ZNF143: variants seen among roughly 807,000 people sequenced by gnomAD.
ZNF143 encodes zinc finger protein 143.
In ZNF143, 49 loss-of-function variants were observed where a neutral mutation model predicts 74.1. The ratio of observed to expected loss-of-function variants is 0.66; its 90% CI spans 0.53 to 0.84. The LOEUF (loss-of-function observed/expected upper bound fraction) is 0.84. Ranked by LOEUF, ZNF143 falls within the 40% of genes least tolerant of loss-of-function variation. The pLI, the probability that ZNF143 is intolerant of heterozygous loss-of-function variation, is 0.00. For synonymous variants in ZNF143, 304 were observed against 282.8 expected (o/e 1.07, Z -0.75); for missense variants, 637 against 793.4 (o/e 0.80, Z 2.37).
intron 7 of ZNF143, among the ~76,000 whole-genome samples, chr11:9,486,445 T>TTATATATATTAATATATAATATATTA (rs1847547917): frequency 2.8e-5 from 1 of 35,468 alleles, no homozygotes; most frequent in African/African-American, 7.5e-5. Flanking sequence ...ATATAATATA[T>TTATATATATTAATATATAATATATTA]TATATATATT....
chr11:9,473,965 T>C lies in ZNF143; in HGVS notation c.230T>C (p.Val77Ala). 6.2e-7 allele frequency: 1 copy of C among 1,614,154 alleles called. No homozygotes were observed. The highest frequency in any genetic ancestry group is 1.3e-5 in the African/African-American group (1 of 75,070). The change falls in exon 4 of 16, where the codon GTC becomes GCC. Residue 77 changes from valine to alanine, a missense_variant. Physicochemically the swap from Val to Ala is moderately conservative, Grantham distance 64. Coordinates refer to ENST00000396602, the MANE Select transcript of ZNF143 (RefSeq NM_003442.6). ...GATGCAAAACTCATAGATGGCCAGG[T>C]CATTCAGTTGGAAGATGGTTCTGCG... ...SKDAKLIDGQ[V>A]IQLEDGSAAY...
At chr11:9,486,445 T>TTATATA (rs201824332) in intron 7 of ZNF143, among the ~76,000 whole-genome samples, 3 of 35,468 alleles carry the variant, frequency 8.5e-5, no homozygotes, top group Non-Finnish European at 2.0e-4. Context: ...ATATAATATA[T>TTATATA]TATATATATT....
chr11:9,519,726 T>C (rs536550025), intron 14 of ZNF143, among the ~76,000 whole-genome samples: 1 of 152,312 alleles, frequency 6.6e-6, no homozygotes, highest in East Asian at 1.9e-4. Flanking sequence ...TCATTTGTCT[T>C]GGATAAATAC....
intron 7 of ZNF143, among the ~76,000 whole-genome samples, chr11:9,490,646 T>C (rs980729585): frequency 2.0e-5 from 3 of 151,064 alleles, no homozygotes; most frequent in South Asian, 2.1e-4. Flanking sequence ...GTTGCTGTTA[T>C]AATACATGAA....
chr11:9,497,431 A>G (rs1291418622), intron 9 of ZNF143, among the ~76,000 whole-genome samples: 2 of 152,030 alleles, frequency 1.3e-5, no homozygotes, highest in Admixed American at 1.3e-4. Context: ...GGATTTTACC[A>G]TGTTGGCCAG....
intron 7 of ZNF143, among the ~76,000 whole-genome samples, chr11:9,492,737 C>T (rs184498713): frequency 6.6e-6 from 1 of 152,112 alleles, no homozygotes; most frequent in Non-Finnish European, 1.5e-5. Flanking sequence ...GTGACATTTT[C>T]AGGGTGAACC....
chr11:9,466,433 T>C (rs961920733), intron 1 of ZNF143, among the ~76,000 whole-genome samples: 2 of 151,176 alleles, frequency 1.3e-5, no homozygotes, highest in African/African-American at 2.4e-5. Flanking sequence ...GTAGCTGGGA[T>C]TACAGGCGTC....
At chr11:9,491,911 T>G (rs1847795671) in intron 7 of ZNF143, among the ~76,000 whole-genome samples, 1 of 152,164 alleles carries the variant, frequency 6.6e-6, no homozygotes, top group African/African-American at 2.4e-5. Context: ...ATTATAGGCT[T>G]GAGCCACTGT....
At chr11:9,515,428 T>A (rs1848687470) in intron 13 of ZNF143, among the ~76,000 whole-genome samples, 1 of 151,170 alleles carries the variant, frequency 6.6e-6, no homozygotes, top group Non-Finnish European at 1.5e-5. Context: ...GGTGGGCGGA[T>A]CACAAGGTCA....
chr11:9,474,414 A>T lies in ZNF143; in HGVS notation c.290-136A>T, dbSNP rs2278900. On this transcript the variant is annotated intron_variant, in intron 4 of 15. Transcript: ENST00000396602. ...GACGCAGGGAAGCTTTACTGAACTT[A>T]CTTAAATGTTCAAAGACTCATGAAG... The T allele has an allele frequency of 0.41, 349,924 of 845,012 alleles. 75,210 individuals carry two copies. Among genetic ancestry groups the T allele is most frequent in the Middle Eastern group, 0.52 (2,287 of 4,430 alleles). The allele number at this position is 845,012 out of a possible 1,614,324, so 52.3% of individuals were successfully genotyped here. A position where few individuals can be genotyped will look rare whatever the true frequency, so the allele number is the denominator to read the frequency against.
At chr11:9,467,980 T>A (rs1191429646) in intron 1 of ZNF143, among the ~76,000 whole-genome samples, 1 of 152,208 alleles carries the variant, frequency 6.6e-6, no homozygotes, top group Non-Finnish European at 1.5e-5. Flanking sequence ...ATATACAGTG[T>A]TCCTCTTGGG....
chr11:9,511,845 G>A (rs1417299160), intron 12 of ZNF143, among the ~76,000 whole-genome samples: 1 of 144,908 alleles, frequency 6.9e-6, no homozygotes, highest in African/African-American at 2.6e-5. Flanking sequence ...TCTGCCTCCC[G>A]GGTTCATGCC....
chr11:9,461,202 C>A (rs1322724286), intron 1 of ZNF143, 126 bp downstream of exon 1: 1 of 545,450 alleles, frequency 1.8e-6, no homozygotes, highest in Non-Finnish European at 2.3e-6. Context: ...CCGCCGCAGG[C>A]CTTGCCGATT....
At chr11:9,513,993 A>G (rs1848641120) in intron 13 of ZNF143, among the ~76,000 whole-genome samples, 1 of 152,222 alleles carries the variant, frequency 6.6e-6, no homozygotes, top group Non-Finnish European at 1.5e-5. Flanking sequence ...TCTGTTGCCC[A>G]GGGCAAAGTG....
chr11:9,481,531 A>G lies in ZNF143; in HGVS notation c.645+1985A>G, dbSNP rs115718309. ...TGGCTTGGAGTGTTGGAGTGGCCCA[A>G]TAAGTTCTCTGTCTTATTGGTAACT... On this transcript the variant is annotated intron_variant, in intron 7 of 15. Transcript: ENST00000396602. Among the ~76,000 whole-genome samples the G allele has an allele frequency of 6.4e-3, 974 of 152,286 alleles. 16 individuals carry two copies. Among genetic ancestry groups the G allele is most frequent in the African/African-American group, 0.022 (902 of 41,550 alleles).
chr11:9,504,232 T>A (rs1848272712), intron 11 of ZNF143, among the ~76,000 whole-genome samples: 1 of 151,040 alleles, frequency 6.6e-6, no homozygotes, highest in South Asian at 2.1e-4. Context: ...CTGCTGGGAT[T>A]ACAGGTTTGA....
intron 11 of ZNF143, among the ~76,000 whole-genome samples, chr11:9,505,680 G>C (rs1002597295): frequency 4.0e-5 from 6 of 151,446 alleles, no homozygotes; most frequent in Non-Finnish European, 5.9e-5. Flanking sequence ...TCAGAGTTTC[G>C]TGACCAGCCT....
intron 8 of ZNF143, among the ~76,000 whole-genome samples, chr11:9,495,787 A>G (rs896794313): frequency 6.6e-6 from 1 of 152,244 alleles, no homozygotes; most frequent in African/African-American, 2.4e-5. Context: ...TGTTCAGTAA[A>G]TGTTAGCCAT....
chr11:9,488,366 A>G (rs1847642453), intron 7 of ZNF143, among the ~76,000 whole-genome samples: 1 of 152,208 alleles, frequency 6.6e-6, no homozygotes, highest in Non-Finnish European at 1.5e-5. Flanking sequence ...CTTGCTGTTC[A>G]GGGTAGTATT....
Sources: gnomAD v4.1 joint callset for allele counts (sites outside exome capture counted in the v4.1 genomes callset) on GRCh38, gnomAD v4.1.1 for gene constraint, MANE v1.5 for transcripts, NCBI Gene and HGNC (gene_info 2026-07-23, HGNC 2026-07-21) for gene names.